DYRK1A: variants seen among roughly 807,000 people sequenced by gnomAD.
DYRK1A encodes the protein dual specificity tyrosine phosphorylation regulated kinase 1A.
In DYRK1A, 9 loss-of-function variants were observed where a neutral mutation model predicts 79.7. The observed-to-expected ratio is 0.11, with a 90% CI of 0.07 to 0.20. The LOEUF is 0.20. Among genes scored for constraint, DYRK1A ranks in the 10% least tolerant of loss-of-function variants. The pLI, the probability that DYRK1A is intolerant of heterozygous loss-of-function variation, is 1.00. For synonymous variants in DYRK1A, 349 were observed against 329.7 expected (o/e 1.06, Z -0.63); for missense variants, 622 against 956.0 (o/e 0.65, Z 4.61).
chr21:37,421,291 G>T (rs1285827982), intron 2 of DYRK1A, among the ~76,000 whole-genome samples: 1 of 152,004 alleles, frequency 6.6e-6, no homozygotes, highest in African/African-American at 2.4e-5. Context: ...TATCATTGGT[G>T]TAGTTTTTGT....
At chr21:37,396,990 T>C (rs901497335) in intron 1 of DYRK1A, among the ~76,000 whole-genome samples, 2 of 152,206 alleles carry the variant, frequency 1.3e-5, no homozygotes, top group African/African-American at 4.8e-5. Context: ...GTTCCTCTGC[T>C]CTGCCCTAGG....
chr21:37,496,129 G>A lies in DYRK1A; in HGVS notation c.1083G>A (p.Met361Ile), dbSNP rs765388051. The change falls in exon 9 of 12, where the codon ATG becomes ATA. Residue 361 changes from methionine (M) to isoleucine (I), a missense_variant. Met to Ile is a conservative substitution (Grantham distance 10, BLOSUM62 1). Around this residue, in one of 5 missense-constraint regions of DYRK1A, gnomAD observed 138 missense variants for 346.4 expected, o/e 0.40. Coordinates refer to ENST00000647188, the MANE Select transcript of DYRK1A (RefSeq NM_001347721.2). ...LFSGANEVDQMNKIVEVLGIP... is the reference protein window; with the variant it reads ...LFSGANEVDQINKIVEVLGIP... Reference sequence around the variant, plus strand: ...TATTTTTAATACAGGTAGATCAGATGAATAAAATAGTGGAAGTTCTGGGTA... The same window carrying A: ...TATTTTTAATACAGGTAGATCAGATAAATAAAATAGTGGAAGTTCTGGGTA... 1 of 1,611,728 alleles carries A rather than the reference G, an allele frequency of 6.2e-7. No individual in the cohort carries two copies. Among genetic ancestry groups the A allele is most frequent in the South Asian group, 1.1e-5 (1 of 90,284 alleles).
At chr21:37,382,597 T>A (rs1354719828) in intron 1 of DYRK1A, among the ~76,000 whole-genome samples, 1 of 152,190 alleles carries the variant, frequency 6.6e-6, no homozygotes, top group Non-Finnish European at 1.5e-5. Flanking sequence ...TTCAACCTTT[T>A]GGCAGATTAT....
intron 2 of DYRK1A, among the ~76,000 whole-genome samples, chr21:37,440,885 T>C (rs1265621105): frequency 2.0e-5 from 3 of 152,222 alleles, no homozygotes; most frequent in African/African-American, 7.2e-5. Context: ...TGTTCTTTGG[T>C]AGAATATTCT....
intron 4 of DYRK1A, among the ~76,000 whole-genome samples, chr21:37,478,734 T>TA (rs1310487444): frequency 6.6e-6 from 1 of 152,256 alleles, no homozygotes; most frequent in Non-Finnish European, 1.5e-5. Flanking sequence ...AATACCTAGT[T>TA]ACAGGCATTT....
chr21:37,441,028 CGTT>C (rs1157261992), intron 2 of DYRK1A, among the ~76,000 whole-genome samples: 1 of 151,628 alleles, frequency 6.6e-6, no homozygotes, highest in Non-Finnish European at 1.5e-5. Context: ...TTGTGTCTAT[CGTT>C]GTAGTTTTAT....
At chr21:37,500,347 T>C (rs2053405589) in intron 9 of DYRK1A, among the ~76,000 whole-genome samples, 1 of 152,180 alleles carries the variant, frequency 6.6e-6, no homozygotes, top group South Asian at 2.1e-4. Context: ...ACTATTCCCT[T>C]ATATATATTG....
intron 5 of DYRK1A, among the ~76,000 whole-genome samples, chr21:37,485,776 G>A (rs902186431): frequency 1.3e-5 from 2 of 152,094 alleles, no homozygotes; most frequent in African/African-American, 4.8e-5. Flanking sequence ...TTTTAAATGA[G>A]TCAGATTTCA....
At chr21:37,404,599 G>A (rs1191229212) in intron 1 of DYRK1A, among the ~76,000 whole-genome samples, 3 of 152,176 alleles carry the variant, frequency 2.0e-5, no homozygotes, top group African/African-American at 7.2e-5. Flanking sequence ...TGCCCGCCAT[G>A]CTTTACTGAG....
At chr21:37,500,771 AT>A (rs1025514630) in intron 9 of DYRK1A, among the ~76,000 whole-genome samples, 24 of 151,170 alleles carry the variant, frequency 1.6e-4, no homozygotes, top group Admixed American at 2.0e-4. Context: ...TTTTACTATA[AT>A]TTTTTTTTAA....
chr21:37,505,980 A>G lies in DYRK1A; in HGVS notation c.1520-119A>G, dbSNP rs2053583552. The G allele has an allele frequency of 1.6e-6, 2 of 1,232,532 alleles. 1 individual carries two copies. The highest frequency in any genetic ancestry group is 2.2e-6 in the Non-Finnish European group (2 of 910,828). 76.3% of individuals were successfully genotyped at this position (1,232,532 alleles called of 1,614,324 possible). On this transcript the variant is annotated intron_variant, in intron 10 of 11. Coordinates refer to ENST00000647188, the MANE Select transcript of DYRK1A (RefSeq NM_001347721.2). ...TGATATACTTTCAAGTTAATATTAGAGATTTTGTATGTGTGTGTGTGAGTA... is the reference window on the plus strand; with the variant it reads ...TGATATACTTTCAAGTTAATATTAGGGATTTTGTATGTGTGTGTGTGAGTA...
At chr21:37,485,084 T>C (rs1393273004) in intron 5 of DYRK1A, among the ~76,000 whole-genome samples, 1 of 152,196 alleles carries the variant, frequency 6.6e-6, no homozygotes, top group Admixed American at 6.5e-5. Flanking sequence ...AAAAAATTAC[T>C]GATGTCTGGG....
At chr21:37,412,613 G>GA (rs1293100190) in intron 1 of DYRK1A, among the ~76,000 whole-genome samples, 1 of 152,150 alleles carries the variant, frequency 6.6e-6, no homozygotes, top group Admixed American at 6.5e-5. Flanking sequence ...GTGAATTAAG[G>GA]ACTTGGTTCA....
At chr21:37,419,998 T>C (rs1273670796) in intron 1 of DYRK1A, 1 of 160,818 alleles carries the variant, frequency 6.2e-6, no homozygotes, top group Non-Finnish European at 1.4e-5. Context: ...CCAGATAAAG[T>C]AAATGGTGGA....
chr21:37,454,548 C>G lies in DYRK1A; in HGVS notation c.11-18136C>G, dbSNP rs184166281. Reference sequence around the variant, plus strand: ...TGTAACAGATTTTTTAGGTTATGACCTCACATTTTCAGGTAATGATATTCT... The same window carrying G: ...TGTAACAGATTTTTTAGGTTATGACGTCACATTTTCAGGTAATGATATTCT... On this transcript the variant is annotated intron_variant, in intron 2 of 11. Coordinates refer to ENST00000647188, the MANE Select transcript of DYRK1A (RefSeq NM_001347721.2). Among the ~76,000 whole-genome samples the G allele has an allele frequency of 1.1e-4, 16 of 152,154 alleles. No individual in the cohort carries two copies. In the East Asian group the frequency reaches 2.7e-3, roughly 26 times the overall value.
chr21:37,387,285 T>G (rs2049779193), intron 1 of DYRK1A, among the ~76,000 whole-genome samples: 1 of 152,248 alleles, frequency 6.6e-6, no homozygotes. Flanking sequence ...AGCTCCTGAT[T>G]ATAGTTATAT....
In DYRK1A at chr21:37,523,682, CACCAA is replaced by C. The variant is rs1270000640; in HGVS notation, c.*11154_*11158del. 1 of 152,154 alleles carries C rather than the reference CACCAA, an allele frequency of 6.6e-6. No homozygotes were observed. The highest frequency in any genetic ancestry group is 1.5e-5 in the Non-Finnish European group (1 of 68,032). The allele number at this position is 152,154 out of a possible 1,614,324, so 9.4% of individuals were successfully genotyped here. A position where few individuals can be genotyped will look rare whatever the true frequency, so the allele number is the denominator to read the frequency against. On this transcript the variant is annotated 3_prime_UTR_variant, in exon 12 of 12. Coordinates refer to ENST00000647188, the MANE Select transcript of DYRK1A (RefSeq NM_001347721.2). Reference sequence around the variant, plus strand: ...GGTACCCTCCTGTTTTTGTATGGCTCACCAAACTAAGGGTGATTTTCACATTTTAC... The same window carrying C: ...GGTACCCTCCTGTTTTTGTATGGCTCACTAAGGGTGATTTTCACATTTTAC...
At chr21:37,479,613 T>TTTTTGTTTTTGTTTTTG (rs780401661) in intron 4 of DYRK1A, among the ~76,000 whole-genome samples, 4 of 36,500 alleles carry the variant, frequency 1.1e-4, no homozygotes, top group African/African-American at 4.1e-4. Context: ...TTTGTTTTTG[T>TTTTTGTTTTTGTTTTTG]TTTTTGTTTT....
At chr21:37,487,872 T>C (rs1400041443) in intron 6 of DYRK1A, 2 of 152,172 alleles carry the variant, frequency 1.3e-5, no homozygotes, top group Non-Finnish European at 2.9e-5. Flanking sequence ...GAAACTTTGC[T>C]GTTCACTGTC....
Sources: gnomAD v4.1 joint callset for allele counts (sites outside exome capture counted in the v4.1 genomes callset) on GRCh38, gnomAD v4.1.1 for gene constraint, gnomAD v4.1.1 regional missense constraint, MANE v1.5 for transcripts, NCBI Gene and HGNC (gene_info 2026-07-23, HGNC 2026-07-21) for gene names.